TCF4: variants seen among roughly 807,000 people sequenced by gnomAD.
TCF4 encodes the protein transcription factor 4, also known as SL3-3 enhancer factor 2.
A neutral mutation model predicts 82.1 loss-of-function variants in TCF4; 3 were observed. The ratio of observed to expected loss-of-function variants is 0.04; its 90% CI spans 0.02 to 0.09. TCF4 has a LOEUF of 0.09. Among genes scored for constraint, TCF4 ranks in the 10% least tolerant of loss-of-function variants. TCF4 has a pLI of 1.00. For synonymous variants in TCF4, 276 were observed against 309.6 expected (o/e 0.89, Z 1.14); for missense variants, 518 against 852.7 (o/e 0.61, Z 4.89).
intron 8 of TCF4, among the ~76,000 whole-genome samples, chr18:55,301,124 A>G (rs1394569586): frequency 1.3e-5 from 2 of 152,098 alleles, no homozygotes; most frequent in African/African-American, 4.8e-5. Flanking sequence ...CTCCCCAATT[A>G]CAAGGCAATT....
intron 3 of TCF4, 137 bp downstream of exon 3, chr18:55,585,143 G>T: frequency 1.3e-6 from 1 of 776,638 alleles, no homozygotes; most frequent in Non-Finnish European, 2.3e-6. Flanking sequence ...CCACTGATGG[G>T]TAATGCAATA....
At chr18:55,326,563 C>T (rs918000162) in intron 8 of TCF4, among the ~76,000 whole-genome samples, 4 of 152,166 alleles carry the variant, frequency 2.6e-5, no homozygotes, top group East Asian at 1.9e-4. Context: ...GCACCAAACA[C>T]GACTGGCCTG....
intron 5 of TCF4, among the ~76,000 whole-genome samples, chr18:55,430,090 T>C (rs1006923874): frequency 5.9e-5 from 9 of 152,150 alleles, no homozygotes; most frequent in African/African-American, 1.9e-4. Context: ...TATTAGAACA[T>C]TCATCTCTCT....
intron 8 of TCF4, among the ~76,000 whole-genome samples, chr18:55,333,763 A>G (rs939424622): frequency 6.6e-6 from 1 of 152,188 alleles, no homozygotes; most frequent in East Asian, 1.9e-4. Context: ...GCAAGTTCAC[A>G]GTGAAGTTGA....
chr18:55,342,073 A>T (rs927051250), intron 8 of TCF4, among the ~76,000 whole-genome samples: 1 of 152,168 alleles, frequency 6.6e-6, no homozygotes, highest in Non-Finnish European at 1.5e-5. Flanking sequence ...ATAAACGGAG[A>T]AAGGAATGAA....
At chr18:55,401,590 G>GAA in intron 6 of TCF4, 4 of 777,274 alleles carry the variant, frequency 5.1e-6, no homozygotes, top group Admixed American at 6.6e-5. Context: ...CTTGTGTTTG[G>GAA]AAAAAAAAAA....
At chr18:55,558,720 T>C (rs2097327457) in intron 3 of TCF4, among the ~76,000 whole-genome samples, 1 of 152,270 alleles carries the variant, frequency 6.6e-6, no homozygotes, top group East Asian at 1.9e-4. Context: ...TAGTTATTGT[T>C]ATCGTTTTTA....
In TCF4 at chr18:55,228,932, G is replaced by A; in HGVS notation, c.1794C>T (p.His598=). The A allele has an allele frequency of 6.2e-7, 1 of 1,614,174 alleles. No individual in the cohort carries two copies. The highest frequency in any genetic ancestry group is 8.5e-7 in the Non-Finnish European group (1 of 1,180,026). The change falls in exon 18 of 20, where the codon CAC becomes CAT. Residue 598 remains histidine (H), a synonymous_variant. Coordinates refer to ENST00000354452, the MANE Select transcript of TCF4 (RefSeq NM_001083962.2). Reference sequence around the variant, plus strand: ...TGGTCTGGGGCTTGTCACTCTTGAGGTGGAGCTGCACCATGCGGCCGAGCT... The same window carrying A: ...TGGTCTGGGGCTTGTCACTCTTGAGATGGAGCTGCACCATGCGGCCGAGCT... The part of the protein sequence containing the change: ...FKELGRMVQL[H]LKSDKPQTKL...
chr18:55,279,679 G>C (rs746804028), intron 8 of TCF4, 23 bp from the exon 9 acceptor site: 1 of 1,613,676 alleles, frequency 6.2e-7, no homozygotes, highest in South Asian at 1.1e-5. Context: ...AACCAACTGA[G>C]TTTTGCTTTT....
At chr18:55,260,850 C>G (rs1255553882) in intron 12 of TCF4, among the ~76,000 whole-genome samples, 2 of 152,128 alleles carry the variant, frequency 1.3e-5, no homozygotes, top group Admixed American at 1.3e-4. Context: ...GTGAGCCACA[C>G]TACCTGGCCC....
At chr18:55,386,922 G>A (rs2092656672) in intron 6 of TCF4, among the ~76,000 whole-genome samples, 1 of 152,200 alleles carries the variant, frequency 6.6e-6, no homozygotes, top group Non-Finnish European at 1.5e-5. Flanking sequence ...AGCCAAAGGA[G>A]GCACTGGTTT....
intron 6 of TCF4, among the ~76,000 whole-genome samples, chr18:55,399,020 G>C (rs2093651401): frequency 1.3e-5 from 2 of 152,178 alleles, no homozygotes; most frequent in Non-Finnish European, 2.9e-5. Context: ...AAAGCGATGT[G>C]TATTTCTGCT....
At chr18:55,563,316 C>A (rs551580838) in intron 3 of TCF4, among the ~76,000 whole-genome samples, 7 of 150,950 alleles carry the variant, frequency 4.6e-5, no homozygotes, top group Non-Finnish European at 7.4e-5. Context: ...ATTTAATATT[C>A]CATTGTGTAA....
intron 6 of TCF4, among the ~76,000 whole-genome samples, chr18:55,362,649 G>T (rs1466093815): frequency 6.6e-6 from 1 of 152,154 alleles, no homozygotes; most frequent in Non-Finnish European, 1.5e-5. Flanking sequence ...TGAGAAAGAT[G>T]CTGTTAAAAT....
chr18:55,342,407 A>G (rs2080187292), intron 8 of TCF4, among the ~76,000 whole-genome samples: 1 of 152,162 alleles, frequency 6.6e-6, no homozygotes, highest in African/African-American at 2.4e-5. Flanking sequence ...TGGCAATGCA[A>G]TTTCACTCCT....
intron 5 of TCF4, among the ~76,000 whole-genome samples, chr18:55,406,256 C>T (rs2094082562): frequency 6.6e-6 from 1 of 150,744 alleles, no homozygotes; most frequent in African/African-American, 2.4e-5. Context: ...ATAGTGTAAG[C>T]TTTTAACTTT....
intron 6 of TCF4, among the ~76,000 whole-genome samples, chr18:55,373,408 C>A (rs1471297283): frequency 2.6e-5 from 4 of 151,882 alleles, no homozygotes; most frequent in African/African-American, 9.7e-5. Flanking sequence ...AATATAAATA[C>A]CCTGAGCGGT....
At chr18:55,333,887 C>A (rs900814320) in intron 8 of TCF4, among the ~76,000 whole-genome samples, 1 of 152,168 alleles carries the variant, frequency 6.6e-6, no homozygotes, top group African/African-American at 2.4e-5. Context: ...CCCAGAACAA[C>A]CAGCTCAGAA....
intron 8 of TCF4, among the ~76,000 whole-genome samples, chr18:55,313,847 T>G (rs1187174471): frequency 1.3e-5 from 2 of 152,168 alleles, no homozygotes; most frequent in Non-Finnish European, 1.5e-5. Flanking sequence ...CAAGGTCTCC[T>G]AACATCCTGG....
Sources: gnomAD v4.1 joint callset for allele counts (sites outside exome capture counted in the v4.1 genomes callset) on GRCh38, gnomAD v4.1.1 for gene constraint, MANE v1.5 for transcripts, NCBI Gene and HGNC (gene_info 2026-07-23, HGNC 2026-07-21) for gene names.